DGCR2: variants seen among roughly 807,000 people sequenced by gnomAD.
DGCR2 encodes integral membrane protein DGCR2/IDD.
Under a neutral mutation model 51.6 loss-of-function variants are expected in DGCR2, and 24 were observed. That is an observed-to-expected ratio of 0.47 (90% CI 0.34 to 0.65). The LOEUF is 0.65. Ranked by LOEUF, DGCR2 falls within the 30% of genes least tolerant of loss-of-function variation. The pLI is 0.01. For synonymous variants in DGCR2, 340 were observed against 315.4 expected (o/e 1.08, Z -0.82); for missense variants, 765 against 772.1 (o/e 0.99, Z 0.11).
chr22:19,065,124 T>C, intron 3 of DGCR2, 57 bp from the exon 4 acceptor site: 1 of 1,454,532 alleles, frequency 6.9e-7, no homozygotes, highest in Non-Finnish European at 9.5e-7. Flanking sequence ...AAAATGGAAA[T>C]TATATGTACT....
intron 2 of DGCR2, among the ~76,000 whole-genome samples, chr22:19,074,779 C>T (rs1390562741): frequency 6.6e-6 from 1 of 152,048 alleles, no homozygotes; most frequent in Non-Finnish European, 1.5e-5. Context: ...AAAATCAGTT[C>T]CTCTACAGAT....
At chr22:19,056,084 GGC>G in intron 6 of DGCR2, 2 of 152,812 alleles carry the variant, frequency 1.3e-5, no homozygotes, top group Non-Finnish European at 2.9e-5. Flanking sequence ...ACTTTGGGAG[GGC>G]GAGGTGGGCG....
intron 5 of DGCR2, among the ~76,000 whole-genome samples, chr22:19,058,252 G>A (rs943336864): frequency 7.2e-5 from 11 of 152,190 alleles, no homozygotes; most frequent in Admixed American, 6.5e-5. Context: ...GAAGCTCTGA[G>A]ACCTGCAAGA....
chr22:19,074,357 T>C (rs573122716), intron 2 of DGCR2, among the ~76,000 whole-genome samples: 20 of 148,400 alleles, frequency 1.3e-4, no homozygotes, highest in Admixed American at 7.4e-4. Context: ...GCCTAGGAGG[T>C]TGCAGTGAGC....
At chr22:19,102,590 T>C (rs1290259856) in intron 1 of DGCR2, among the ~76,000 whole-genome samples, 1 of 152,002 alleles carries the variant, frequency 6.6e-6, no homozygotes, top group Non-Finnish European at 1.5e-5. Context: ...TAGTCCCAGC[T>C]ACTCAGGAGG....
intron 6 of DGCR2, among the ~76,000 whole-genome samples, chr22:19,050,328 C>T (rs1161886307): frequency 6.6e-6 from 1 of 152,200 alleles, no homozygotes; most frequent in East Asian, 1.9e-4. Context: ...GGGATAACTG[C>T]TCACAGAAAA....
At chr22:19,108,844 A>C (rs114763230) in intron 1 of DGCR2, among the ~76,000 whole-genome samples, 2,492 of 150,592 alleles carry the variant, frequency 0.017, 65 homozygotes, top group African/African-American at 0.058. Context: ...CAACAAAGTG[A>C]GATCTCATCT....
Position 19,089,354 on chromosome 22 carries a change from C to A in DGCR2, c.202+14G>T, listed in dbSNP as rs1220639924. 1 of 1,586,444 alleles carries A rather than the reference C, an allele frequency of 6.3e-7. No homozygotes were observed. Among genetic ancestry groups the A allele is most frequent in the South Asian group, 1.1e-5 (1 of 87,132 alleles). ...GACAAGGTGGTGTGTACCCCGCCTACTCAACACACTCACCTGGACAGTTGG... is the reference window on the plus strand; with the variant it reads ...GACAAGGTGGTGTGTACCCCGCCTAATCAACACACTCACCTGGACAGTTGG... On this transcript the variant is annotated intron_variant, in intron 2 of 9. Coordinates refer to ENST00000263196, the MANE Select transcript of DGCR2 (RefSeq NM_005137.3).
chr22:19,049,228 A>G (rs957047060), intron 6 of DGCR2, among the ~76,000 whole-genome samples: 4 of 152,138 alleles, frequency 2.6e-5, no homozygotes, highest in Admixed American at 6.5e-5. Context: ...GAATGTGTGT[A>G]AGGAAGCTGC....
intron 3 of DGCR2, among the ~76,000 whole-genome samples, chr22:19,067,600 G>A (rs1030723648): frequency 7.2e-5 from 11 of 152,066 alleles, no homozygotes; most frequent in Non-Finnish European, 1.5e-4. Context: ...GGCTAAGACA[G>A]GAGAATCACT....
chr22:19,074,312 G>A (rs1001848790), intron 2 of DGCR2, among the ~76,000 whole-genome samples: 2 of 151,614 alleles, frequency 1.3e-5, no homozygotes, highest in Non-Finnish European at 2.9e-5. Flanking sequence ...TGTAATCCCG[G>A]CTACTCAGGA....
At position 19,039,382 on chromosome 22, in the gene DGCR2, C is replaced by T. The variant is rs372037731; in HGVS notation, c.1397-261G>A. ...GCAGGGCCCATCTCACAAAGGCAGA[C>T]ACGGGCCTGTCCCACCATCGGTGTG... On this transcript the variant is annotated intron_variant, in intron 9 of 9. Transcript: ENST00000263196. Among the ~76,000 whole-genome samples the T allele has an allele frequency of 5.8e-4, 89 of 152,288 alleles. 1 individual carries two copies. Among genetic ancestry groups the T allele is most frequent in the African/African-American group, 2.1e-3 (86 of 41,552 alleles).
At chr22:19,116,510 T>G (rs1292066618) in intron 1 of DGCR2, among the ~76,000 whole-genome samples, 4 of 152,204 alleles carry the variant, frequency 2.6e-5, no homozygotes, top group Non-Finnish European at 4.4e-5. Flanking sequence ...AATGAACTGT[T>G]GGCCCAAAAC....
At chr22:19,049,281 T>C (rs1569041053) in intron 6 of DGCR2, among the ~76,000 whole-genome samples, 1 of 152,056 alleles carries the variant, frequency 6.6e-6, no homozygotes, top group African/African-American at 2.4e-5. Context: ...TGAGGCACAC[T>C]CTGCACAGAG....
chr22:19,056,595 ACAGAGAAG>A (rs560056299), intron 6 of DGCR2: 19 of 376,752 alleles, frequency 5.0e-5, no homozygotes, highest in East Asian at 2.9e-4. Context: ...GGCAAGGTAA[ACAGAGAAG>A]CAGAGAAGCA....
chr22:19,121,995 C>T, intron 1 of DGCR2, 133 bp downstream of exon 1: 1 of 488,654 alleles, frequency 2.0e-6, no homozygotes, highest in Non-Finnish European at 3.0e-6. Context: ...AGGCGGCCCG[C>T]GAGCCAGGCC....
rs556165870 is a variant in DGCR2 at position 19,048,065 on chromosome 22, C to T, written c.1006+375G>A. 2.0e-4 allele frequency: 57 copies of T among 284,308 alleles called. 1 individual carries two copies. In the South Asian group the frequency reaches 2.0e-3, roughly 10 times the overall value. 17.6% of individuals were successfully genotyped at this position (284,308 alleles called of 1,614,324 possible). A position where few individuals can be genotyped will look rare whatever the true frequency, so the allele number is the denominator to read the frequency against. ...AAAACTAGCCAGGCATGGTGGCATG[C>T]GCCTGTAGTTCCAGCTACTGGTGAG... is the stretch of plus-strand genomic sequence containing the variant. On this transcript the variant is annotated intron_variant, in intron 7 of 9. Coordinates refer to ENST00000263196, the MANE Select transcript of DGCR2 (RefSeq NM_005137.3).
intron 9 of DGCR2, among the ~76,000 whole-genome samples, chr22:19,039,324 C>G (rs1462309185): frequency 1.3e-5 from 2 of 152,180 alleles, no homozygotes; most frequent in Non-Finnish European, 2.9e-5. Context: ...TACCTACTGC[C>G]CCCTGTGGCT....
rs367994263 is a variant in DGCR2 at position 19,064,880 on chromosome 22, G to C, written c.516C>G (p.Pro172=). The C allele has an allele frequency of 6.2e-7, 1 of 1,613,798 alleles. No individual in the cohort carries two copies. The highest frequency in any genetic ancestry group is 8.5e-7 in the Non-Finnish European group (1 of 1,179,992). ...GGTCCTTCCAACCAAAGCTCCGCTC[G>C]GGCTGGTCCCATTCCTGGGCCAGGA... ...RFVLAQEWDQ[P]ERSFGWKDQR... is the part of the protein sequence containing the mutation. Residue 172 remains proline, a synonymous_variant, in exon 4 of 10, where the codon CCC becomes CCG. Transcript: ENST00000263196.
Sources: allele counts gnomAD v4.1 joint callset (sites outside exome capture counted in the v4.1 genomes callset), GRCh38; gene constraint gnomAD v4.1.1; transcripts MANE v1.5; gene names NCBI Gene and HGNC (gene_info 2026-07-23, HGNC 2026-07-21).